CADM2: variants seen among roughly 807,000 people sequenced by gnomAD.
CADM2 encodes the protein cell adhesion molecule 2.
A neutral mutation model predicts 49.8 loss-of-function variants in CADM2; 12 were observed. That is an observed-to-expected ratio of 0.24 (90% CI 0.15 to 0.39). The LOEUF (loss-of-function observed/expected upper bound fraction) is 0.39, where lower values mean the gene tolerates loss of function less well. CADM2 is among the 10% of genes least tolerant of loss of function. CADM2 has a pLI of 1.00. For missense variants in CADM2, 378 were observed against 492.3 expected (o/e 0.77, Z 2.20); for synonymous variants, 214 against 175.4 (o/e 1.22, Z -1.74).
At chr3:85,687,257 A>G (rs114206645) in intron 1 of CADM2, among the ~76,000 whole-genome samples, 1 of 152,228 alleles carries the variant, frequency 6.6e-6, no homozygotes, top group African/African-American at 2.4e-5. Flanking sequence ...AATTGACAGG[A>G]ACATTCAAAA....
chr3:84,994,811 G>A (rs1016527482), intron 1 of CADM2, among the ~76,000 whole-genome samples: 2 of 152,014 alleles, frequency 1.3e-5, no homozygotes, highest in African/African-American at 4.8e-5. Flanking sequence ...GCCAGATCAC[G>A]ATGTCAGGAG....
At chr3:85,784,337 G>A (rs776039969) in intron 2 of CADM2, among the ~76,000 whole-genome samples, 50 of 152,280 alleles carry the variant, frequency 3.3e-4, no homozygotes, top group Non-Finnish European at 4.3e-4. Context: ...GGATTGCTAT[G>A]AAGCAATAAG....
chr3:85,492,685 T>G (rs539284409), intron 1 of CADM2, among the ~76,000 whole-genome samples: 1 of 152,332 alleles, frequency 6.6e-6, no homozygotes, highest in African/African-American at 2.4e-5. Context: ...ATTTTCTTAT[T>G]GTAGTATAGC....
intron 1 of CADM2, among the ~76,000 whole-genome samples, chr3:85,086,588 G>A (rs372385006): frequency 6.7e-6 from 1 of 148,756 alleles, no homozygotes; most frequent in Non-Finnish European, 1.5e-5. Flanking sequence ...CTTGGCTCAC[G>A]GCAGCCTCCA....
intron 3 of CADM2, among the ~76,000 whole-genome samples, chr3:85,812,765 G>C (rs2072959044): frequency 6.6e-6 from 1 of 151,954 alleles, no homozygotes; most frequent in African/African-American, 2.4e-5. Context: ...TGTTCTCCTT[G>C]TTCAACTACC....
chr3:85,548,102 C>T lies in CADM2; in HGVS notation c.62-178420C>T, dbSNP rs189391814. ...TAGAGCCAGTTATTTAACTTTTCAACGTTACTTTCTCTATTTATGAAATGG... is the reference window on the plus strand; with the variant it reads ...TAGAGCCAGTTATTTAACTTTTCAATGTTACTTTCTCTATTTATGAAATGG... On this transcript the variant is annotated intron_variant, in intron 1 of 9. Coordinates refer to ENST00000383699, the MANE Select transcript of CADM2 (RefSeq NM_001167675.2). Among the ~76,000 whole-genome samples, 77 of 151,686 alleles carry T rather than the reference C, an allele frequency of 5.1e-4. 1 individual carries two copies. Among genetic ancestry groups the T allele is most frequent in the African/African-American group, 1.6e-3 (65 of 41,516 alleles).
At chr3:86,014,568 C>T (rs762060961) in intron 8 of CADM2, 2 of 1,595,800 alleles carry the variant, frequency 1.3e-6, no homozygotes, top group African/African-American at 1.3e-5. Flanking sequence ...TAAAGAAACA[C>T]TAAGTGTCCC....
intron 3 of CADM2, among the ~76,000 whole-genome samples, chr3:85,808,176 A>G (rs1444300907): frequency 6.6e-6 from 1 of 152,232 alleles, no homozygotes; most frequent in African/African-American, 2.4e-5. Flanking sequence ...CTTTTTCTAT[A>G]ATACTTAAGA....
intron 1 of CADM2, among the ~76,000 whole-genome samples, chr3:85,456,197 G>A (rs2037981639): frequency 6.6e-6 from 1 of 152,148 alleles, no homozygotes; most frequent in African/African-American, 2.4e-5. Flanking sequence ...GGTATCAGCA[G>A]ACACCATTTT....
intron 1 of CADM2, among the ~76,000 whole-genome samples, chr3:85,065,670 T>C (rs1354092113): frequency 6.6e-6 from 1 of 152,190 alleles, no homozygotes; most frequent in Admixed American, 6.6e-5. Flanking sequence ...AGACTGATCT[T>C]AAAGTTCTTT....
intron 1 of CADM2, among the ~76,000 whole-genome samples, chr3:85,050,138 G>C (rs1033759602): frequency 1.3e-5 from 2 of 152,026 alleles, no homozygotes; most frequent in Non-Finnish European, 2.9e-5. Context: ...CTATGTATTA[G>C]TGAACATTGC....
intron 1 of CADM2, among the ~76,000 whole-genome samples, chr3:85,207,384 CAG>C (rs2107760108): frequency 6.6e-6 from 1 of 152,158 alleles, no homozygotes; most frequent in East Asian, 1.9e-4. Flanking sequence ...TCTTGGGTAA[CAG>C]ACATTTTATT....
intron 5 of CADM2, among the ~76,000 whole-genome samples, chr3:85,911,949 ATT>A (rs893655936): frequency 1.4e-5 from 2 of 144,646 alleles, no homozygotes. Context: ...TTATTTATTA[ATT>A]TTTTTTTTTA....
At chr3:85,130,470 G>T (rs1029808583) in intron 1 of CADM2, among the ~76,000 whole-genome samples, 1 of 152,048 alleles carries the variant, frequency 6.6e-6, no homozygotes, top group Non-Finnish European at 1.5e-5. Context: ...AATGCCCAAA[G>T]TTTCTAATTA....
At chr3:85,370,225 A>AATAATG (rs2033116509) in intron 1 of CADM2, among the ~76,000 whole-genome samples, 1 of 144,784 alleles carries the variant, frequency 6.9e-6, no homozygotes, top group African/African-American at 2.5e-5. Flanking sequence ...AAATAATAAT[A>AATAATG]ATAATAATAA....
At chr3:85,529,309 T>C (rs953580713) in intron 1 of CADM2, among the ~76,000 whole-genome samples, 1 of 152,164 alleles carries the variant, frequency 6.6e-6, no homozygotes, top group Admixed American at 6.5e-5. Context: ...AAAGTTGACA[T>C]CTTCATGCTT....
intron 1 of CADM2, among the ~76,000 whole-genome samples, chr3:84,962,227 A>G (rs1302764060): frequency 6.6e-6 from 1 of 151,764 alleles, no homozygotes; most frequent in Non-Finnish European, 1.5e-5. Flanking sequence ...ACTTAGGAGC[A>G]TCTTAGATCA....
In CADM2 at chr3:85,402,561, T is replaced by TA. The variant is rs527420770; in HGVS notation, c.62-323952dup. 6.5e-3 allele frequency among the ~76,000 whole-genome samples: 982 copies of TA among 151,510 alleles called. 10 individuals are homozygous for TA. The highest frequency in any genetic ancestry group is 0.02 in the African/African-American group (836 of 41,356). On this transcript the variant is annotated intron_variant, in intron 1 of 9. Transcript: ENST00000383699. Reference sequence around the variant, plus strand: ...CAATAAAATCTTGAAGCACCTAATATAAAAAAAAATCCATCAATTTGTTAT... The same window carrying TA: ...CAATAAAATCTTGAAGCACCTAATATAAAAAAAAAATCCATCAATTTGTTAT...
intron 1 of CADM2, among the ~76,000 whole-genome samples, chr3:85,267,363 T>TA (rs1010908945): frequency 2.0e-5 from 3 of 151,510 alleles, no homozygotes; most frequent in South Asian, 2.1e-4. Flanking sequence ...CTTGCTCATT[T>TA]AAAAAAAATA....
Sources: allele counts gnomAD v4.1 joint callset (sites outside exome capture counted in the v4.1 genomes callset), GRCh38; gene constraint gnomAD v4.1.1; transcripts MANE v1.5; gene names NCBI Gene and HGNC (gene_info 2026-07-23, HGNC 2026-07-21).